The following ITPR2 variants were observed in gnomAD, a reference collection of about 807,000 sequenced individuals.
ITPR2 encodes the protein inositol 1,4,5-trisphosphate receptor type 2.
A neutral mutation model predicts 317.1 loss-of-function variants in ITPR2; 207 were observed. The observed-to-expected ratio is 0.65, with a 90% CI of 0.58 to 0.73. The LOEUF (loss-of-function observed/expected upper bound fraction) is 0.73. Among genes scored for constraint, ITPR2 ranks in the 30% least tolerant of loss-of-function variants. The probability of loss-of-function intolerance (pLI) is 0.00; values close to 1 mark genes in which losing one functional copy is unlikely to be tolerated. For missense variants in ITPR2, 2,613 were observed against 3,284.0 expected (o/e 0.80, Z 4.99); for synonymous variants, 1,156 against 1,149.1 (o/e 1.01, Z -0.12).
chr12:26,711,246 C>A lies in ITPR2; in HGVS notation c.878G>T (p.Arg293Leu), dbSNP rs144621254. 3 of 1,613,410 alleles carry A rather than the reference C, an allele frequency of 1.9e-6. No homozygotes were observed. Among genetic ancestry groups the A allele is most frequent in the Non-Finnish European group, 2.5e-6 (3 of 1,179,526 alleles). ...GCTGTTCCACTGTCCTGCACCCCCA[C>A]GGCATGGGTCATGATGAACCACCTA... The part of the protein sequence containing the change: ...EIEVVHHDPC[R>L]GGAGQWNSLF... The change falls in exon 9 of 57, where the codon CGT becomes CTT. Residue 293 changes from arginine to leucine, a missense_variant. Arg to Leu is a moderately radical substitution (Grantham distance 102). This residue lies in a region of ITPR2 where 515 missense variants were observed against 789.4 expected (regional missense o/e 0.65). Transcript: ENST00000381340.
intron 52 of ITPR2, among the ~76,000 whole-genome samples, chr12:26,407,348 T>A (rs550061850): frequency 2.6e-5 from 4 of 152,196 alleles, no homozygotes; most frequent in African/African-American, 9.7e-5. Context: ...TTGGGCTAGA[T>A]GATTCTTTGT....
chr12:26,356,560 G>A lies in ITPR2; in HGVS notation c.7858-16232C>T, dbSNP rs182391088. On this transcript the variant is annotated intron_variant, in intron 55 of 56. Transcript: ENST00000381340. ...TGGTGAACAGGAATTACAGCCATGA[G>A]CCATAGATCAGTTTTACACAAATGG... 9.2e-4 allele frequency among the ~76,000 whole-genome samples: 140 copies of A among 152,340 alleles called. 1 individual carries two copies. The highest frequency in any genetic ancestry group is 1.3e-4 in the Non-Finnish European group (9 of 68,030).
intron 37 of ITPR2, among the ~76,000 whole-genome samples, chr12:26,514,559 A>G (rs1239130530): frequency 2.6e-5 from 4 of 152,244 alleles, no homozygotes; most frequent in Non-Finnish European, 5.9e-5. Context: ...AAATAATAGT[A>G]CATTGAGCCA....
At position 26,486,250 on chromosome 12, in the gene ITPR2, T is replaced by C. The variant is rs771493134; in HGVS notation, c.5665A>G (p.Ile1889Val). 2.5e-6 allele frequency: 4 copies of C among 1,614,078 alleles called. No homozygotes were observed. In the African/African-American group the frequency reaches 5.3e-5, roughly 22 times the overall value. Residue 1889 changes from isoleucine (I) to valine (V), a missense_variant, in exon 41 of 57, where the codon ATA (isoleucine) becomes GTA (valine). Ile to Val is a conservative substitution (Grantham distance 29, BLOSUM62 3). Transcript: ENST00000381340. ...CVYRREMDPE[I>V]DIMCTGPEAG... Reference sequence around the variant, plus strand: ...TCTGGTCCTGTGCACATAATGTCTATTTCTGGATCCATTTCTCTTCTGTAT... The same window carrying C: ...TCTGGTCCTGTGCACATAATGTCTACTTCTGGATCCATTTCTCTTCTGTAT...
chr12:26,771,586 C>T (rs1949844754), intron 2 of ITPR2, among the ~76,000 whole-genome samples: 2 of 152,180 alleles, frequency 1.3e-5, no homozygotes, highest in South Asian at 4.1e-4. Context: ...GCGATCTCGG[C>T]TCACTGCAAG....
At chr12:26,589,816 AT>A (rs56264301) in intron 32 of ITPR2, among the ~76,000 whole-genome samples, 2,042 of 38,248 alleles carry the variant, frequency 0.053, 492 homozygotes, top group Non-Finnish European at 0.091. Context: ...TAAAAAATAA[AT>A]AAATAAATAA....
At chr12:26,574,545 A>T (rs1945232273) in intron 34 of ITPR2, among the ~76,000 whole-genome samples, 1 of 152,206 alleles carries the variant, frequency 6.6e-6, no homozygotes, top group African/African-American at 2.4e-5. Context: ...AAAATCTAAT[A>T]TGGGAGACAA....
chr12:26,436,581 A>G (rs555566658), intron 47 of ITPR2, among the ~76,000 whole-genome samples: 75 of 152,338 alleles, frequency 4.9e-4, no homozygotes, highest in African/African-American at 1.6e-3. Flanking sequence ...ACTACTGTAG[A>G]AGGGTGAGGA....
intron 55 of ITPR2, among the ~76,000 whole-genome samples, chr12:26,359,291 C>T (rs1479516345): frequency 6.6e-6 from 1 of 152,106 alleles, no homozygotes; most frequent in East Asian, 1.9e-4. Context: ...GTGACCTGTC[C>T]CGTGCTGGAA....
chr12:26,500,188 G>A (rs1448446323), intron 37 of ITPR2, among the ~76,000 whole-genome samples: 1 of 152,180 alleles, frequency 6.6e-6, no homozygotes, highest in Non-Finnish European at 1.5e-5. Flanking sequence ...TGCACTATCT[G>A]TGCAGTGGTG....
rs3782312 is a variant in ITPR2 at position 26,727,207 on chromosome 12, T to C, written c.164-1442A>G. Among the ~76,000 whole-genome samples the C allele has an allele frequency of 7.6e-4, 115 of 152,308 alleles. 1 individual carries two copies. The East Asian group carries it at 0.02, about 27-fold the overall frequency. ...TGTATCTTAGCAACTACAAAGAGAA[T>C]TTTACAAATTTCTTGAAGCACAAAT... On this transcript the variant is annotated intron_variant, in intron 2 of 56. Coordinates refer to ENST00000381340, the MANE Select transcript of ITPR2 (RefSeq NM_002223.4).
intron 37 of ITPR2, among the ~76,000 whole-genome samples, chr12:26,549,180 A>G (rs1471431907): frequency 6.6e-6 from 1 of 152,166 alleles, no homozygotes; most frequent in Non-Finnish European, 1.5e-5. Context: ...CACGTTTTTG[A>G]GTCCTATCTT....
rs1035572766 is a variant in ITPR2 at position 26,339,184 on chromosome 12, C to T, written c.*213G>A. 9 of 524,424 alleles carry T rather than the reference C, an allele frequency of 1.7e-5. No homozygotes were observed. Among genetic ancestry groups the T allele is most frequent in the African/African-American group, 5.8e-5 (3 of 51,506 alleles). The allele number at this position is 524,424 out of a possible 1,614,324, so 32.5% of individuals were successfully genotyped here. ...TGATGCATTGCGAATGTGTGATGTA[C>T]GCTTTCTAGCAGATGCATTTGAGGT... On this transcript the variant is annotated 3_prime_UTR_variant, in exon 57 of 57. Coordinates refer to ENST00000381340, the MANE Select transcript of ITPR2 (RefSeq NM_002223.4).
chr12:26,407,330 T>C (rs554016226), intron 52 of ITPR2, among the ~76,000 whole-genome samples: 1 of 152,328 alleles, frequency 6.6e-6, no homozygotes, highest in South Asian at 2.1e-4. Flanking sequence ...CTTAACATTA[T>C]TAATATTTTG....
intron 43 of ITPR2, among the ~76,000 whole-genome samples, chr12:26,478,847 T>C (rs1032947344): frequency 6.6e-6 from 1 of 151,568 alleles, no homozygotes; most frequent in African/African-American, 2.4e-5. Flanking sequence ...ACAACAAATA[T>C]GAAAAAGTAA....
chr12:26,408,997 G>A (rs182790487), intron 52 of ITPR2, among the ~76,000 whole-genome samples: 1 of 152,214 alleles, frequency 6.6e-6, no homozygotes, highest in Admixed American at 6.5e-5. Flanking sequence ...GATCCCAGGA[G>A]TCATTTAATT....
At chr12:26,351,941 T>G (rs113076864) in intron 55 of ITPR2, among the ~76,000 whole-genome samples, 3 of 152,242 alleles carry the variant, frequency 2.0e-5, no homozygotes, top group Non-Finnish European at 4.4e-5. Flanking sequence ...CTCGCTGAGA[T>G]AGACAAAAAC....
chr12:26,439,846 T>C (rs1941443547), intron 46 of ITPR2, among the ~76,000 whole-genome samples: 1 of 152,206 alleles, frequency 6.6e-6, no homozygotes, highest in South Asian at 2.1e-4. Context: ...TTTTTGTAGC[T>C]ACAACATCCA....
intron 14 of ITPR2, among the ~76,000 whole-genome samples, chr12:26,665,165 G>A (rs941999870): frequency 6.6e-6 from 1 of 152,208 alleles, no homozygotes; most frequent in Non-Finnish European, 1.5e-5. Flanking sequence ...TACTTTCAGG[G>A]AAGAAAACTA....
Sources: gnomAD v4.1 joint callset for allele counts (sites outside exome capture counted in the v4.1 genomes callset) on GRCh38, gnomAD v4.1.1 for gene constraint, gnomAD v4.1.1 regional missense constraint, MANE v1.5 for transcripts, NCBI Gene and HGNC (gene_info 2026-07-23, HGNC 2026-07-21) for gene names.